The following PARG variants were observed in gnomAD, a reference collection of about 807,000 sequenced individuals.
PARG encodes poly(ADP-ribose) glycohydrolase.
A neutral mutation model predicts 113.0 loss-of-function variants in PARG; 35 were observed. The observed-to-expected ratio is 0.31, with a 90% confidence interval of 0.24 to 0.41. The LOEUF (loss-of-function observed/expected upper bound fraction) is 0.41. Among genes scored for constraint, PARG ranks in the 10% least tolerant of loss-of-function variants. PARG has a pLI of 1.00. For missense variants in PARG, 797 were observed against 1,169.4 expected (o/e 0.68, Z 4.64); for synonymous variants, 330 against 409.9 (o/e 0.81, Z 2.36).
chr10:49,847,716 CTG>C (rs1845577897), intron 13 of PARG, among the ~76,000 whole-genome samples: 1 of 133,660 alleles, frequency 7.5e-6, no homozygotes, highest in Non-Finnish European at 1.6e-5. Flanking sequence ...ACTAACAGTA[CTG>C]TATCAAATTA....
In PARG at chr10:49,852,745, T is replaced by C. The variant is rs567705421; in HGVS notation, c.2353+4561A>G. Reference sequence around the variant, plus strand: ...ATGCCTGGCTAATTTTTTGTATTTTTAGTAGAGATGGGGTTTCACCGTGTT... The same window carrying C: ...ATGCCTGGCTAATTTTTTGTATTTTCAGTAGAGATGGGGTTTCACCGTGTT... On this transcript the variant is annotated intron_variant, in intron 13 of 17. Coordinates refer to ENST00000616448, the MANE Select transcript of PARG (RefSeq NM_003631.5). Among the ~76,000 whole-genome samples, 38 of 151,712 alleles carry C rather than the reference T, an allele frequency of 2.5e-4. No homozygotes were observed. The East Asian group carries it at 6.8e-3, about 27-fold the overall frequency.
At chr10:49,895,398 G>T (rs1388073416) in intron 7 of PARG, among the ~76,000 whole-genome samples, 1 of 151,882 alleles carries the variant, frequency 6.6e-6, no homozygotes, top group Non-Finnish European at 1.5e-5. Flanking sequence ...CATACAGGGA[G>T]AACTGATATC....
intron 8 of PARG, among the ~76,000 whole-genome samples, chr10:49,884,844 T>C (rs1377361536): frequency 7.0e-6 from 1 of 143,502 alleles, no homozygotes; most frequent in Non-Finnish European, 1.5e-5. Flanking sequence ...AATCCACTAG[T>C]ATGTTTTGAA....
At chr10:49,927,341 G>A (rs1181743406) in intron 4 of PARG, among the ~76,000 whole-genome samples, 6 of 114,550 alleles carry the variant, frequency 5.2e-5, no homozygotes, top group East Asian at 2.7e-4. Context: ...AAAGAAGGAA[G>A]GAAGGAAGGA....
intron 13 of PARG, among the ~76,000 whole-genome samples, chr10:49,848,904 C>G (rs1845631933): frequency 6.6e-6 from 1 of 151,570 alleles, no homozygotes; most frequent in Non-Finnish European, 1.5e-5. Context: ...CATGAATAAA[C>G]AGAGACATAC....
rs781928566 is a variant in PARG, at chr10:49,920,451, TAAAA to T, written c.1662+1881_1662+1884del. On this transcript the variant is annotated intron_variant, in intron 6 of 17. Transcript: ENST00000616448. ...GATGGAGCAAGACCCAGCCTCAAAT[TAAAA>T]AAAAAAAAATATATATATATATATA... Among the ~76,000 whole-genome samples the T allele has an allele frequency of 1.2e-3, 48 of 39,854 alleles. 3 individuals are homozygous for T. Among genetic ancestry groups the T allele is most frequent in the South Asian group, 3.3e-3 (4 of 1,216 alleles). The allele number at this position is 39,854 out of a possible 152,430, so 26.1% of individuals were successfully genotyped here. A position where few individuals can be genotyped will look rare whatever the true frequency, so the allele number is the denominator to read the frequency against.
chr10:49,941,326 A>G (rs1346585709), intron 1 of PARG, among the ~76,000 whole-genome samples, 183 bp downstream of exon 1: 1 of 152,130 alleles, frequency 6.6e-6, no homozygotes, highest in Non-Finnish European at 1.5e-5. Context: ...TCTCACATCA[A>G]TCGCACTGGG....
intron 7 of PARG, among the ~76,000 whole-genome samples, chr10:49,903,594 T>C (rs142190577): frequency 2.5e-3 from 376 of 151,678 alleles, no homozygotes; most frequent in East Asian, 0.011. Context: ...ATGTAACAAG[T>C]ACATGGAGTT....
chr10:49,844,492 G>A (rs782403109), intron 13 of PARG, among the ~76,000 whole-genome samples: 5 of 151,742 alleles, frequency 3.3e-5, no homozygotes, highest in South Asian at 2.1e-4. Flanking sequence ...GCATTGTGGC[G>A]TGTGCCTGTA....
At chr10:49,905,233 C>G (rs1172287571) in intron 7 of PARG, among the ~76,000 whole-genome samples, 1 of 151,326 alleles carries the variant, frequency 6.6e-6, no homozygotes, top group Non-Finnish European at 1.5e-5. Context: ...TAAGTAGGAG[C>G]AGACTGATAG....
At chr10:49,886,623 G>C (rs1386136851) in intron 7 of PARG, among the ~76,000 whole-genome samples, 10 of 152,070 alleles carry the variant, frequency 6.6e-5, no homozygotes, top group African/African-American at 9.7e-5. Context: ...GCTTAAGAGA[G>C]GAAAAGCAAT....
intron 1 of PARG, among the ~76,000 whole-genome samples, chr10:49,939,163 T>C (rs1207861685): frequency 2.0e-5 from 3 of 152,340 alleles, no homozygotes; most frequent in African/African-American, 7.2e-5. Context: ...CCTGAACGTA[T>C]ACCTGAAGTT....
At chr10:49,819,745 C>T (rs1454158399) in intron 17 of PARG, among the ~76,000 whole-genome samples, 1 of 152,082 alleles carries the variant, frequency 6.6e-6, no homozygotes, top group Non-Finnish European at 1.5e-5. Flanking sequence ...GTCCATGCAC[C>T]CTCGTTATGC....
chr10:49,828,808 G>A (rs904253791), intron 16 of PARG, among the ~76,000 whole-genome samples: 40 of 152,220 alleles, frequency 2.6e-4, no homozygotes, highest in African/African-American at 9.2e-4. Context: ...CCAGGAGGTT[G>A]AGGCTGCAGT....
chr10:49,829,232 T>C (rs1408506116), intron 16 of PARG, among the ~76,000 whole-genome samples: 1 of 151,950 alleles, frequency 6.6e-6, no homozygotes, highest in African/African-American at 2.4e-5. Flanking sequence ...CAAGACTCCG[T>C]CTCAAAATAA....
chr10:49,826,024 C>T (rs1469811955), intron 16 of PARG, among the ~76,000 whole-genome samples: 3 of 152,052 alleles, frequency 2.0e-5, no homozygotes, highest in Non-Finnish European at 4.4e-5. Context: ...TTGAAATGCT[C>T]CAAAGAGCAT....
At chr10:49,888,662 G>T (rs1177311919) in intron 7 of PARG, among the ~76,000 whole-genome samples, 1 of 152,070 alleles carries the variant, frequency 6.6e-6, no homozygotes, top group Non-Finnish European at 1.5e-5. Flanking sequence ...TTTGCCTTTG[G>T]TTTTAAGAAA....
chr10:49,828,101 A>AC (rs1844457816), intron 16 of PARG, among the ~76,000 whole-genome samples: 3 of 146,058 alleles, frequency 2.1e-5, no homozygotes, highest in East Asian at 2.0e-4. Flanking sequence ...ACAAAAAAAA[A>AC]AAAAAAAAAA....
chr10:49,896,760 T>C (rs1173403717), intron 7 of PARG, among the ~76,000 whole-genome samples: 1 of 152,242 alleles, frequency 6.6e-6, no homozygotes, highest in African/African-American at 2.4e-5. Context: ...CATTTGCTAA[T>C]ATTTTATAAA....
Sources: allele counts gnomAD v4.1 joint callset (sites outside exome capture counted in the v4.1 genomes callset), GRCh38; gene constraint gnomAD v4.1.1; transcripts MANE v1.5; gene names NCBI Gene and HGNC (gene_info 2026-07-23, HGNC 2026-07-21).